Variants in ZEB2 observed in about 807,000 individuals in gnomAD.
ZEB2 encodes zinc finger E-box-binding homeobox 2.
ZEB2 carries 6 observed loss-of-function variants against 99.9 expected under a neutral mutation model. The observed-to-expected ratio is 0.06, with a 90% CI of 0.03 to 0.12. ZEB2 has a LOEUF of 0.12. Ranked by LOEUF, ZEB2 falls within the 10% of genes least tolerant of loss-of-function variation. The pLI, the probability that ZEB2 is intolerant of heterozygous loss-of-function variation, is 1.00. For missense variants in ZEB2, 969 were observed against 1,502.8 expected, an observed-to-expected ratio of 0.64 and a Z score of 5.87; for synonymous variants, 517 against 542.5, an observed-to-expected ratio of 0.95 and a Z score of 0.65.
At position 144,478,771 on chromosome 2, in the gene ZEB2, G is replaced by A. The variant is rs945760344; in HGVS notation, c.73+38507C>T. Among the ~76,000 whole-genome samples the A allele has an allele frequency of 4.6e-5, 7 of 152,276 alleles. No homozygotes were observed. In the East Asian group the frequency reaches 9.6e-4, roughly 21 times the overall value. On this transcript the variant is annotated intron_variant, in intron 2 of 9. Coordinates refer to ENST00000627532, the MANE Select transcript of ZEB2 (RefSeq NM_014795.4). The stretch of plus-strand genomic sequence containing the variant: ...ATCTATGCTCTCTGTTACTGCTAAA[G>A]CTTAGAACACTCTATTTCATTTCCT...
chr2:144,441,385 A>C (rs1389635903), intron 2 of ZEB2, among the ~76,000 whole-genome samples: 1 of 152,174 alleles, frequency 6.6e-6, no homozygotes, highest in Non-Finnish European at 1.5e-5. Context: ...CATCTGTGTC[A>C]CAAAAGGGCT....
intron 3 of ZEB2, among the ~76,000 whole-genome samples, chr2:144,425,232 C>T (rs960704598): frequency 3.9e-5 from 6 of 152,186 alleles, no homozygotes; most frequent in Non-Finnish European, 7.4e-5. Flanking sequence ...GCTGCTATGC[C>T]TCTGGAAACT....
intron 1 of ZEB2, chr2:144,518,308 G>C (rs938438214): frequency 1.3e-5 from 2 of 152,150 alleles, no homozygotes; most frequent in Admixed American, 6.5e-5. Context: ...AATCGAGAGA[G>C]GCGCTGCATT....
At chr2:144,429,512 T>C in intron 3 of ZEB2, 1 of 522,304 alleles carries the variant, frequency 1.9e-6, no homozygotes, top group Non-Finnish European at 3.5e-6. Flanking sequence ...TACCTCATGT[T>C]ATGTGTTGAA....
At chr2:144,511,976 A>G in intron 2 of ZEB2, 1 of 1,287,228 alleles carries the variant, frequency 7.8e-7, no homozygotes, top group Non-Finnish European at 1.0e-6. Context: ...TCTGCATCAC[A>G]GATTTTCCTC....
At chr2:144,458,385 T>C (rs1704148999) in intron 2 of ZEB2, among the ~76,000 whole-genome samples, 1 of 152,108 alleles carries the variant, frequency 6.6e-6, no homozygotes, top group Non-Finnish European at 1.5e-5. Flanking sequence ...GAAAGACCTA[T>C]AACAAGTTGC....
chr2:144,404,404 G>A (rs1703355282), intron 5 of ZEB2, among the ~76,000 whole-genome samples: 1 of 150,514 alleles, frequency 6.6e-6, no homozygotes, highest in African/African-American at 2.4e-5. Flanking sequence ...GCTGATAAAT[G>A]AGGAAATTCT....
At chr2:144,424,073 T>G (rs1042001869) in intron 4 of ZEB2, among the ~76,000 whole-genome samples, 6 of 152,116 alleles carry the variant, frequency 3.9e-5, no homozygotes, top group Non-Finnish European at 8.8e-5. Context: ...TTTGTGTTGG[T>G]GATGTAAGAA....
chr2:144,498,489 G>A (rs925042507), intron 2 of ZEB2, among the ~76,000 whole-genome samples: 11 of 152,090 alleles, frequency 7.2e-5, no homozygotes, highest in Non-Finnish European at 1.0e-4. Context: ...ACCCACCCTC[G>A]CTGAAAGTGA....
intron 4 of ZEB2, among the ~76,000 whole-genome samples, chr2:144,418,479 G>A (rs975244153): frequency 3.9e-5 from 6 of 152,132 alleles, no homozygotes; most frequent in Middle Eastern, 3.4e-3. Flanking sequence ...CCTGAGGTCA[G>A]GAGTTCAAGA....
chr2:144,482,556 T>C lies in ZEB2; in HGVS notation c.73+34722A>G, dbSNP rs544299536. On this transcript the variant is annotated intron_variant, in intron 2 of 9. Transcript: ENST00000627532. ...ATCCCTTAAAACATCCCTTTCAATG[T>C]TTCACATTTACCATCATCCTCTCTC... Among the ~76,000 whole-genome samples the C allele has an allele frequency of 3.9e-5, 6 of 152,342 alleles. No individual in the cohort carries two copies. In the South Asian group the frequency reaches 1.2e-3, roughly 32 times the overall value.
intron 2 of ZEB2, chr2:144,516,699 G>C (rs1705152110): frequency 6.6e-6 from 1 of 151,650 alleles, no homozygotes; most frequent in Non-Finnish European, 1.5e-5. Context: ...TCCCACCCCG[G>C]GGTCTGGGCG....
intron 2 of ZEB2, 87 bp from the exon 3 acceptor site, chr2:144,430,113 T>C: frequency 6.4e-7 from 1 of 1,557,032 alleles, no homozygotes; most frequent in East Asian, 2.3e-5. Context: ...TGGAAAATAA[T>C]TAATATTTTC....
intron 2 of ZEB2, among the ~76,000 whole-genome samples, chr2:144,490,344 G>C (rs1470775663): frequency 6.6e-6 from 1 of 152,116 alleles, no homozygotes; most frequent in East Asian, 1.9e-4. Context: ...AATGGGAGCT[G>C]TACTATTATT....
chr2:144,459,649 ACACTT>A (rs1378999497), intron 2 of ZEB2, among the ~76,000 whole-genome samples: 1 of 152,166 alleles, frequency 6.6e-6, no homozygotes. Context: ...GGAGAGAAAA[ACACTT>A]CACAACTCAT....
At chr2:144,423,725 C>T (rs761032981) in intron 4 of ZEB2, among the ~76,000 whole-genome samples, 3 of 152,034 alleles carry the variant, frequency 2.0e-5, no homozygotes, top group Non-Finnish European at 4.4e-5. Flanking sequence ...TATTATTTCT[C>T]TTATTTTATA....
At chr2:144,508,343 A>G (rs1704979789) in intron 2 of ZEB2, among the ~76,000 whole-genome samples, 1 of 152,180 alleles carries the variant, frequency 6.6e-6, no homozygotes, top group African/African-American at 2.4e-5. Flanking sequence ...TGTCTCACCT[A>G]GAAGGGAAGT....
rs199549142 is a variant in ZEB2 at position 144,403,718 on chromosome 2, C to T, written c.807+198G>A. ...TAAATTAGAAATTAACACACTCATTCGATCGTGAACATAAGACTATTAAAT... is the reference window on the plus strand; with the variant it reads ...TAAATTAGAAATTAACACACTCATTTGATCGTGAACATAAGACTATTAAAT... On this transcript the variant is annotated intron_variant, in intron 6 of 9. Transcript: ENST00000627532. 1.2e-4 allele frequency among the ~76,000 whole-genome samples: 18 copies of T among 152,132 alleles called. No homozygotes were observed. The East Asian group carries it at 2.5e-3, about 21-fold the overall frequency.
At position 144,427,836 on chromosome 2, in the gene ZEB2, T is replaced by C. The variant is rs1029141233; in HGVS notation, c.331+1933A>G. On this transcript the variant is annotated intron_variant, in intron 3 of 9. Transcript: ENST00000627532. The stretch of plus-strand genomic sequence containing the variant: ...AATGCTGGTTTATTTACCATAAAGG[T>C]AAGAGCAAAGAACAGCCTGTTCACT... 5.3e-5 allele frequency: 8 copies of C among 152,118 alleles called. No individual in the cohort carries two copies. The East Asian group carries it at 1.5e-3, about 29-fold the overall frequency. The allele number at this position is 152,118 out of a possible 1,614,324, so 9.4% of individuals were successfully genotyped here.
Sources: gnomAD v4.1 joint callset for allele counts (sites outside exome capture counted in the v4.1 genomes callset) on GRCh38, gnomAD v4.1.1 for gene constraint, MANE v1.5 for transcripts, NCBI Gene and HGNC (gene_info 2026-07-23, HGNC 2026-07-21) for gene names.